NBEA: variants seen among roughly 807,000 people sequenced by gnomAD.
NBEA encodes neurobeachin, also known as lysosomal-trafficking regulator 2.
A neutral mutation model predicts 343.4 loss-of-function variants in NBEA; 44 were observed. That is an observed-to-expected ratio of 0.13 (90% confidence interval 0.10 to 0.16). The LOEUF is 0.16. Among genes scored for constraint, NBEA ranks in the 10% least tolerant of loss-of-function variants. NBEA has a pLI of 1.00. For synonymous variants in NBEA, 1,175 were observed against 1,238.7 expected (o/e 0.95, Z 1.08); for missense variants, 2,555 against 3,631.3 (o/e 0.70, Z 7.62).
At chr13:34,998,760 C>G (rs1209841036) in intron 1 of NBEA, among the ~76,000 whole-genome samples, 1 of 152,060 alleles carries the variant, frequency 6.6e-6, no homozygotes, top group Non-Finnish European at 1.5e-5. Flanking sequence ...TGTTCAAACA[C>G]ACATGCTGTA....
chr13:35,555,872 G>T (rs560374274), intron 44 of NBEA, among the ~76,000 whole-genome samples: 1 of 151,900 alleles, frequency 6.6e-6, no homozygotes, highest in African/African-American at 2.4e-5. Flanking sequence ...GCTCACAACC[G>T]TGTATTTAGA....
At chr13:35,055,973 A>G in intron 6 of NBEA, 37 bp from the exon 7 acceptor site, 2 of 1,508,520 alleles carry the variant, frequency 1.3e-6, no homozygotes, top group Non-Finnish European at 1.8e-6. Flanking sequence ...TAACAACCAA[A>G]CATTACATAT....
chr13:35,508,677 A>C lies in NBEA; in HGVS notation c.6585+36141A>C, dbSNP rs112132629. 1.1e-3 allele frequency among the ~76,000 whole-genome samples: 174 copies of C among 152,284 alleles called. 1 individual carries two copies. The highest frequency in any genetic ancestry group is 4.0e-3 in the African/African-American group (166 of 41,568). ...TTGGAGGAAAGGAAGGTAGTGCTGGAATGGGTATAGGAGATGTGATAACTT... is the reference window on the plus strand; with the variant it reads ...TTGGAGGAAAGGAAGGTAGTGCTGGCATGGGTATAGGAGATGTGATAACTT... On this transcript the variant is annotated intron_variant, in intron 41 of 58. Coordinates refer to ENST00000379939, the MANE Select transcript of NBEA (RefSeq NM_001385012.1).
chr13:35,522,266 G>A (rs1594873000), intron 41 of NBEA, among the ~76,000 whole-genome samples: 1 of 151,764 alleles, frequency 6.6e-6, no homozygotes, highest in African/African-American at 2.4e-5. Flanking sequence ...TCAGGAGATC[G>A]AGACCAGCCT....
chr13:35,104,720 A>G (rs527368762), intron 11 of NBEA, among the ~76,000 whole-genome samples: 1 of 152,084 alleles, frequency 6.6e-6, no homozygotes, highest in East Asian at 1.9e-4. Flanking sequence ...GGAAGATAGT[A>G]TATGAGAGGC....
intron 1 of NBEA, among the ~76,000 whole-genome samples, chr13:35,029,552 A>G (rs769279034): frequency 2.0e-5 from 3 of 151,622 alleles, no homozygotes; most frequent in Admixed American, 6.6e-5. Context: ...AAGTGTTACC[A>G]TTTTAGAGTT....
intron 49 of NBEA, among the ~76,000 whole-genome samples, chr13:35,637,864 G>A (rs1274142556): frequency 6.6e-6 from 1 of 151,886 alleles, no homozygotes; most frequent in Non-Finnish European, 1.5e-5. Context: ...CCAAGTGTCC[G>A]TGGATAGATG....
intron 1 of NBEA, among the ~76,000 whole-genome samples, chr13:35,007,574 CTTGACCTCCCAGGCTCAA>C (rs1432158280): frequency 1.2e-4 from 18 of 152,110 alleles, no homozygotes; most frequent in Admixed American, 2.6e-4. Context: ...TCACTGTAGG[CTTGACCTCCCAGGCTCAA>C]GTGATCCTCC....
chr13:35,325,624 A>G (rs762034969), intron 36 of NBEA, among the ~76,000 whole-genome samples: 5 of 152,192 alleles, frequency 3.3e-5, no homozygotes, highest in Non-Finnish European at 5.9e-5. Context: ...GGCAAATCAA[A>G]TCTAGCAATA....
At chr13:35,419,033 A>T (rs2044118508) in intron 38 of NBEA, among the ~76,000 whole-genome samples, 1 of 152,026 alleles carries the variant, frequency 6.6e-6, no homozygotes, top group African/African-American at 2.4e-5. Context: ...TGAAGATTTT[A>T]TACAATATTT....
chr13:34,945,690 A>G (rs2059165692), intron 1 of NBEA, among the ~76,000 whole-genome samples: 1 of 152,188 alleles, frequency 6.6e-6, no homozygotes, highest in Non-Finnish European at 1.5e-5. Flanking sequence ...TTCAAAAAAA[A>G]GAGGAGTTTC....
At chr13:34,980,831 G>A (rs1470308368) in intron 1 of NBEA, among the ~76,000 whole-genome samples, 19 of 151,926 alleles carry the variant, frequency 1.3e-4, no homozygotes, top group South Asian at 1.2e-3. Context: ...GAATTTTGTC[G>A]GATGATTTTT....
chr13:34,974,533 T>G (rs2060102963), intron 1 of NBEA, among the ~76,000 whole-genome samples: 1 of 152,176 alleles, frequency 6.6e-6, no homozygotes. Flanking sequence ...CTGACTATTT[T>G]AATAGGGATA....
intron 48 of NBEA, among the ~76,000 whole-genome samples, chr13:35,619,941 C>G (rs1210621243): frequency 6.6e-6 from 1 of 152,078 alleles, no homozygotes; most frequent in Admixed American, 6.5e-5. Context: ...AGAGAAATTC[C>G]TTCGTTCATT....
chr13:34,992,003 G>T (rs1180370435), intron 1 of NBEA, among the ~76,000 whole-genome samples: 4 of 149,220 alleles, frequency 2.7e-5, no homozygotes, highest in Admixed American at 6.7e-5. Context: ...TGAGAAGAAA[G>T]TAGTCATTCA....
At chr13:35,303,273 T>G (rs1017650937) in intron 35 of NBEA, among the ~76,000 whole-genome samples, 2 of 152,306 alleles carry the variant, frequency 1.3e-5, no homozygotes, top group East Asian at 1.9e-4. Flanking sequence ...CGTAGTAGTA[T>G]TATTTTAAGA....
At chr13:35,096,458 T>C (rs1170775896) in intron 10 of NBEA, among the ~76,000 whole-genome samples, 2 of 151,896 alleles carry the variant, frequency 1.3e-5, no homozygotes, top group Admixed American at 6.6e-5. Context: ...GAGTGAGTAG[T>C]TATTCTGACA....
chr13:35,439,811 C>A (rs1383024641), intron 39 of NBEA, among the ~76,000 whole-genome samples: 1 of 152,104 alleles, frequency 6.6e-6, no homozygotes, highest in African/African-American at 2.4e-5. Flanking sequence ...GGAACATTCA[C>A]ATTAATACAA....
At chr13:35,255,239 C>A (rs889246019) in intron 34 of NBEA, among the ~76,000 whole-genome samples, 2 of 152,204 alleles carry the variant, frequency 1.3e-5, no homozygotes, top group Non-Finnish European at 2.9e-5. Context: ...CGAAGCATCA[C>A]TTTCATTCTT....
Sources: allele counts gnomAD v4.1 joint callset (sites outside exome capture counted in the v4.1 genomes callset), GRCh38; gene constraint gnomAD v4.1.1; transcripts MANE v1.5; gene names NCBI Gene and HGNC (gene_info 2026-07-23, HGNC 2026-07-21).